MYO1E: variants seen among roughly 807,000 people sequenced by gnomAD.
MYO1E encodes the protein unconventional myosin-Ie.
MYO1E carries 68 observed loss-of-function variants against 151.1 expected under a neutral mutation model. The ratio of observed to expected loss-of-function variants is 0.45; its 90% CI spans 0.37 to 0.55. The LOEUF (loss-of-function observed/expected upper bound fraction) is 0.55. Ranked by LOEUF, MYO1E falls within the 20% of genes least tolerant of loss-of-function variation. The pLI, the probability that MYO1E is intolerant of heterozygous loss-of-function variation, is 0.00. For missense variants in MYO1E, 1,363 were observed against 1,389.3 expected, an observed-to-expected ratio of 0.98 and a Z score of 0.30; for synonymous variants, 601 against 501.7, an observed-to-expected ratio of 1.20 and a Z score of -2.64.
intron 2 of MYO1E, among the ~76,000 whole-genome samples, chr15:59,265,989 CAAAA>C (rs2080251234): frequency 6.6e-6 from 1 of 151,614 alleles, no homozygotes; most frequent in Non-Finnish European, 1.5e-5. Flanking sequence ...AAAAAAGTCT[CAAAA>C]AATAAAATGG....
intron 6 of MYO1E, among the ~76,000 whole-genome samples, chr15:59,231,128 G>A (rs12917076): frequency 0.17 from 26,109 of 152,192 alleles, 3,131 homozygotes; most frequent in East Asian, 0.58. Context: ...CAACCTGTGA[G>A]GCCAGGTCCA....
intron 26 of MYO1E, among the ~76,000 whole-genome samples, chr15:59,141,509 A>G (rs2079409039): frequency 6.6e-6 from 1 of 152,238 alleles, no homozygotes; most frequent in Non-Finnish European, 1.5e-5. Context: ...TTTAAAAAAT[A>G]TAGGACTGGC....
At chr15:59,218,204 AAT>A in intron 9 of MYO1E, 117 bp from the exon 10 acceptor site, 1 of 1,224,280 alleles carries the variant, frequency 8.2e-7, no homozygotes, top group Non-Finnish European at 1.2e-6. Context: ...TAGAAGGCAC[AAT>A]CACGGGCCCC....
chr15:59,300,943 T>C (rs1285326852), intron 1 of MYO1E, among the ~76,000 whole-genome samples: 2 of 149,746 alleles, frequency 1.3e-5, no homozygotes, highest in Non-Finnish European at 3.0e-5. Context: ...TGCCAGCTCA[T>C]TGCAACCTCT....
At chr15:59,361,395 CT>C (rs1462486746) in intron 1 of MYO1E, among the ~76,000 whole-genome samples, 1 of 152,162 alleles carries the variant, frequency 6.6e-6, no homozygotes, top group Non-Finnish European at 1.5e-5. Flanking sequence ...GACATATCCC[CT>C]AATGGCTCTT....
intron 16 of MYO1E, 26 bp from the exon 17 acceptor site, chr15:59,195,593 T>C: frequency 6.3e-7 from 1 of 1,587,922 alleles, no homozygotes; most frequent in South Asian, 1.1e-5. Flanking sequence ...AGTATCAGAA[T>C]CATGGAACTT....
intron 23 of MYO1E, among the ~76,000 whole-genome samples, chr15:59,161,555 A>G (rs2140310891): frequency 6.6e-6 from 1 of 152,274 alleles, no homozygotes; most frequent in Non-Finnish European, 1.5e-5. Flanking sequence ...GGAAAGAGAC[A>G]ATTTCCAGGT....
At chr15:59,340,098 T>C (rs1281679290) in intron 1 of MYO1E, among the ~76,000 whole-genome samples, 1 of 152,136 alleles carries the variant, frequency 6.6e-6, no homozygotes, top group Non-Finnish European at 1.5e-5. Context: ...TCAGGTGATC[T>C]GCCTGTCTCG....
At chr15:59,322,538 C>A (rs1390877168) in intron 1 of MYO1E, among the ~76,000 whole-genome samples, 1 of 152,104 alleles carries the variant, frequency 6.6e-6, no homozygotes, top group Admixed American at 6.5e-5. Flanking sequence ...AGTGTTTAGT[C>A]AAGTGTTTTT....
intron 4 of MYO1E, among the ~76,000 whole-genome samples, chr15:59,244,180 T>G (rs1403703387): frequency 6.6e-6 from 1 of 152,214 alleles, no homozygotes; most frequent in African/African-American, 2.4e-5. Context: ...AAATATCTAG[T>G]TAATTGGTGT....
intron 1 of MYO1E, among the ~76,000 whole-genome samples, chr15:59,328,084 G>A (rs967562587): frequency 1.3e-5 from 2 of 152,238 alleles, no homozygotes; most frequent in Non-Finnish European, 2.9e-5. Flanking sequence ...CTCCATGGTG[G>A]GGGGGTTCCC....
intron 1 of MYO1E, among the ~76,000 whole-genome samples, chr15:59,305,063 G>A (rs1390685380): frequency 2.0e-5 from 3 of 152,252 alleles, no homozygotes; most frequent in Non-Finnish European, 4.4e-5. Flanking sequence ...CACTGTGAAC[G>A]AGTGGTGTAT....
Position 59,173,887 on chromosome 15 carries a change from C to T in MYO1E, c.2193G>A (p.Glu731=). 1 of 1,614,162 alleles carries T rather than the reference C, an allele frequency of 6.2e-7. No homozygotes were observed. Among genetic ancestry groups the T allele is most frequent in the Non-Finnish European group, 8.5e-7 (1 of 1,180,028 alleles). Residue 731 remains glutamate, a synonymous_variant, in exon 21 of 28, where the codon GAG becomes GAA. Transcript: ENST00000288235. ...EASDLLLNKK[E]RRRNSINRNF... is the part of the protein sequence containing the mutation. ...TCCTGTTAATACTGTTTCTCCTTCT[C>T]TCCTTCTTGTTCAATAAGAGGTCTG...
intron 4 of MYO1E, among the ~76,000 whole-genome samples, chr15:59,246,609 C>T (rs1459951246): frequency 6.6e-6 from 1 of 152,194 alleles, no homozygotes; most frequent in East Asian, 1.9e-4. Context: ...AACATCCCAT[C>T]TCTTTTCTAC....
chr15:59,359,209 G>A (rs2140439627), intron 1 of MYO1E, among the ~76,000 whole-genome samples: 1 of 150,980 alleles, frequency 6.6e-6, no homozygotes, highest in Middle Eastern at 3.4e-3. Flanking sequence ...GAGAATCGCT[G>A]GAGACCAGGA....
intron 1 of MYO1E, among the ~76,000 whole-genome samples, chr15:59,365,817 T>G (rs1289764530): frequency 6.6e-6 from 1 of 152,194 alleles, no homozygotes; most frequent in African/African-American, 2.4e-5. Flanking sequence ...ATACTGCATA[T>G]CTTTAGTGGG....
chr15:59,207,713 T>TC (rs2079848073), intron 14 of MYO1E: 1 of 1,614,054 alleles, frequency 6.2e-7, no homozygotes, highest in Non-Finnish European at 8.5e-7. Flanking sequence ...ATAGCTGGTG[T>TC]CCCTTTGAAG....
chr15:59,267,637 C>A (rs751401751), intron 2 of MYO1E, among the ~76,000 whole-genome samples: 24 of 152,236 alleles, frequency 1.6e-4, no homozygotes, highest in Non-Finnish European at 2.8e-4. Flanking sequence ...AAATGCCAAA[C>A]ACACCTGAGT....
rs748834487 is a variant in MYO1E, at chr15:59,213,140, TTATTATTATTA to T, written c.1275+1077_1275+1087del. 3.5e-3 allele frequency among the ~76,000 whole-genome samples: 86 copies of T among 24,528 alleles called. No individual in the cohort carries two copies. The South Asian group carries it at 0.079, about 23-fold the overall frequency. The allele number at this position is 24,528 out of a possible 152,430, so 16.1% of individuals were successfully genotyped here. The stretch of plus-strand genomic sequence containing the variant: ...GAAACTGCACTGAACTATTTATTTA[TTATTATTATTA>T]TTATTATTATTATTATTATTATTAT... On this transcript the variant is annotated intron_variant, in intron 12 of 27. Coordinates refer to ENST00000288235, the MANE Select transcript of MYO1E (RefSeq NM_004998.4).
Sources: gnomAD v4.1 joint callset for allele counts (sites outside exome capture counted in the v4.1 genomes callset) on GRCh38, gnomAD v4.1.1 for gene constraint, MANE v1.5 for transcripts, NCBI Gene and HGNC (gene_info 2026-07-23, HGNC 2026-07-21) for gene names.